Variants in PPP2R3A observed in about 807,000 individuals in gnomAD.
The protein encoded by PPP2R3A is protein phosphatase 2 regulatory subunit B''alpha.
PPP2R3A carries 80 observed loss-of-function variants against 106.9 expected under a neutral mutation model. The ratio of observed to expected loss-of-function variants is 0.75; its 90% CI spans 0.62 to 0.90. The LOEUF (loss-of-function observed/expected upper bound fraction) is 0.90, where lower values mean the gene tolerates loss of function less well. Ranked by LOEUF, PPP2R3A falls within the 40% of genes least tolerant of loss-of-function variation. PPP2R3A has a pLI of 0.00. For missense variants in PPP2R3A, 1,386 were observed against 1,350.4 expected, an observed-to-expected ratio of 1.03 and a Z score of -0.41; for synonymous variants, 483 against 468.3, an observed-to-expected ratio of 1.03 and a Z score of -0.41.
intron 13 of PPP2R3A, among the ~76,000 whole-genome samples, chr3:136,124,484 A>T (rs982870248): frequency 6.6e-6 from 1 of 152,178 alleles, no homozygotes; most frequent in Non-Finnish European, 1.5e-5. Context: ...ACCTTGTCTC[A>T]AAAAAGAAAG....
chr3:136,057,145 A>C (rs1378131923), intron 5 of PPP2R3A, among the ~76,000 whole-genome samples: 3 of 152,112 alleles, frequency 2.0e-5, no homozygotes, highest in Admixed American at 6.6e-5. Context: ...GCATCATGCT[A>C]CTCAAAAAAA....
In PPP2R3A at chr3:136,145,062, G is replaced by C. The variant is rs755752743; in HGVS notation, c.3349G>C (p.Asp1117His). 1.7e-5 allele frequency: 28 copies of C among 1,612,832 alleles called. No homozygotes were observed. The highest frequency in any genetic ancestry group is 6.7e-5 in the Admixed American group (4 of 59,836). Residue 1117 changes from aspartate to histidine, a missense_variant, in exon 14 of 14, where the codon GAT (aspartate) becomes CAT (histidine). Asp to His is a moderately conservative substitution (Grantham distance 81). Transcript: ENST00000264977. ...TTTCAGCTTTGAAGATTATGAAACAGATGAACCTGCCTCTCCCTCTGAATT... is the reference window on the plus strand; with the variant it reads ...TTTCAGCTTTGAAGATTATGAAACACATGAACCTGCCTCTCCCTCTGAATT... ...FQEGFEDYETDEPASPSEFGN... is the reference protein window; with the variant it reads ...FQEGFEDYETHEPASPSEFGN...
At chr3:136,063,085 G>A (rs1936136193) in intron 5 of PPP2R3A, among the ~76,000 whole-genome samples, 1 of 152,062 alleles carries the variant, frequency 6.6e-6, no homozygotes, top group African/African-American at 2.4e-5. Flanking sequence ...ATAGACCAAT[G>A]GAATAGAACA....
chr3:135,986,001 G>A (rs1236554589), intron 1 of PPP2R3A, among the ~76,000 whole-genome samples: 1 of 152,118 alleles, frequency 6.6e-6, no homozygotes, highest in Non-Finnish European at 1.5e-5. Flanking sequence ...CAGAGCAGAG[G>A]ATTTTTGGAG....
At chr3:136,132,024 G>A (rs536236551) in intron 13 of PPP2R3A, among the ~76,000 whole-genome samples, 8 of 150,872 alleles carry the variant, frequency 5.3e-5, no homozygotes, top group African/African-American at 7.3e-5. Context: ...GGGTGGGGGG[G>A]GCTGGGGGAG....
In PPP2R3A at chr3:136,001,554, T is replaced by C; in HGVS notation, c.56T>C (p.Val19Ala). 1.2e-6 allele frequency: 2 copies of C among 1,614,204 alleles called. No individual in the cohort carries two copies. Among genetic ancestry groups the C allele is most frequent in the South Asian group, 1.1e-5 (1 of 91,084 alleles). ...VSTVNHYSSVVIDRRFEQAIH... is the reference protein window; with the variant it reads ...VSTVNHYSSVAIDRRFEQAIH... ...ACTGTGAACCACTACAGCAGCGTGG[T>C]GATAGACCGGCGTTTTGAACAAGCT... The change falls in exon 2 of 14, where the codon GTG becomes GCG. Residue 19 changes from valine to alanine, a missense_variant. Transcript: ENST00000264977.
At chr3:136,142,157 A>G (rs1938899297) in intron 13 of PPP2R3A, among the ~76,000 whole-genome samples, 1 of 152,208 alleles carries the variant, frequency 6.6e-6, no homozygotes, top group African/African-American at 2.4e-5. Context: ...GGAAGTACAA[A>G]ACGAGAAGAG....
rs1405951586 is a variant in PPP2R3A, at chr3:136,090,610, G to A, written c.2870G>A (p.Ser957Asn). 1 of 1,613,642 alleles carries A rather than the reference G, an allele frequency of 6.2e-7. No individual in the cohort carries two copies. Among genetic ancestry groups the A allele is most frequent in the Non-Finnish European group, 8.5e-7 (1 of 1,179,734 alleles). ...ACAATACAGAAAGAGGGAAGAATGA[G>A]CTATGCAGATTTTGTTTGGTTTTTG... ...GKTIQKEGRM[S>N]YADFVWFLIS... The change falls in exon 10 of 14, where the codon AGC becomes AAC. Residue 957 changes from serine to asparagine, a missense_variant. Transcript: ENST00000264977.
chr3:136,073,272 C>T (rs115461798), intron 6 of PPP2R3A, among the ~76,000 whole-genome samples: 4,244 of 152,202 alleles, frequency 0.028, 186 homozygotes, highest in African/African-American at 0.092. Flanking sequence ...CAGCCATCCC[C>T]AGGAAGTTTT....
chr3:135,994,972 G>T (rs1272214130), intron 1 of PPP2R3A, among the ~76,000 whole-genome samples: 1 of 152,190 alleles, frequency 6.6e-6, no homozygotes, highest in Non-Finnish European at 1.5e-5. Flanking sequence ...GCAGTTTATT[G>T]TGGAGCTTTC....
At chr3:135,970,135 T>C (rs1318348639) in intron 1 of PPP2R3A, among the ~76,000 whole-genome samples, 1 of 152,222 alleles carries the variant, frequency 6.6e-6, no homozygotes, top group East Asian at 1.9e-4. Flanking sequence ...TGGACGAATC[T>C]GAGGTGATTC....
chr3:136,006,984 C>T (rs978885387), intron 2 of PPP2R3A, among the ~76,000 whole-genome samples: 4 of 152,182 alleles, frequency 2.6e-5, no homozygotes, highest in African/African-American at 4.8e-5. Flanking sequence ...AAGAAGCCTA[C>T]CTGTCCTTCA....
intron 2 of PPP2R3A, among the ~76,000 whole-genome samples, chr3:136,009,069 G>A (rs1323914845): frequency 4.0e-5 from 6 of 151,498 alleles, no homozygotes; most frequent in Non-Finnish European, 7.4e-5. Context: ...ATGTCCTCTT[G>A]CACTCTGAAT....
chr3:136,026,927 G>C lies in PPP2R3A; in HGVS notation c.2091G>C (p.Val697=), dbSNP rs1934684230. The change falls in exon 3 of 14, where the codon GTG becomes GTC. Residue 697 remains valine, a synonymous_variant. Coordinates refer to ENST00000264977, the MANE Select transcript of PPP2R3A (RefSeq NM_002718.5). ...SPRPLSPVPH[V]NNVVNAPLSI... is the part of the protein sequence containing the mutation. ...GACCTCTCTCCCCGGTTCCCCATGT[G>C]AATAATGTTGTGAATGCGCCATTGT... 1 of 1,613,640 alleles carries C rather than the reference G, an allele frequency of 6.2e-7. No homozygotes were observed. The highest frequency in any genetic ancestry group is 8.5e-7 in the Non-Finnish European group (1 of 1,179,650).
At chr3:136,060,450 G>T (rs1056569841) in intron 5 of PPP2R3A, among the ~76,000 whole-genome samples, 3 of 152,310 alleles carry the variant, frequency 2.0e-5, no homozygotes, top group African/African-American at 7.2e-5. Context: ...ATTGGATTAT[G>T]GGGGTGGTTT....
At chr3:136,087,245 G>GTGTCTCTCTCTC (rs1403359444) in intron 8 of PPP2R3A, among the ~76,000 whole-genome samples, 2 of 75,128 alleles carry the variant, frequency 2.7e-5, no homozygotes, top group Admixed American at 1.8e-4. Context: ...CTCTAGTCGT[G>GTGTCTCTCTCTC]TCTCTCTCTC....
rs995515623 is a variant in PPP2R3A at position 136,103,514 on chromosome 3, G to A, written c.3222+138G>A. The A allele has an allele frequency of 1.1e-5, 7 of 619,234 alleles. No individual in the cohort carries two copies. The African/African-American group carries it at 1.3e-4, about 12-fold the overall frequency. 38.4% of individuals were successfully genotyped at this position (619,234 alleles called of 1,614,324 possible). ...AACATTTCATTAAAGACTAAAAAGA[G>A]ACAATAAAGGACCTCTAGAGCACAT... On this transcript the variant is annotated intron_variant, in intron 12 of 13. Transcript: ENST00000264977.
intron 5 of PPP2R3A, among the ~76,000 whole-genome samples, chr3:136,061,283 A>T (rs1013990365): frequency 3.3e-5 from 5 of 152,234 alleles, no homozygotes; most frequent in African/African-American, 1.2e-4. Flanking sequence ...CATCAAATAA[A>T]ATAATACAGA....
chr3:136,122,113 C>A (rs1938017663), intron 13 of PPP2R3A, among the ~76,000 whole-genome samples: 1 of 152,024 alleles, frequency 6.6e-6, no homozygotes, highest in Non-Finnish European at 1.5e-5. Flanking sequence ...AAATTTGTAG[C>A]CTGTATACTG....
Sources: allele counts gnomAD v4.1 joint callset (sites outside exome capture counted in the v4.1 genomes callset), GRCh38; gene constraint gnomAD v4.1.1; transcripts MANE v1.5; gene names NCBI Gene and HGNC (gene_info 2026-07-23, HGNC 2026-07-21).